The following VPS36 variants were observed in gnomAD, a reference collection of about 807,000 sequenced individuals.
The protein encoded by VPS36 is vacuolar protein-sorting-associated protein 36.
Under a neutral mutation model 63.5 loss-of-function variants are expected in VPS36, and 31 were observed. That is an observed-to-expected ratio of 0.49 (90% CI 0.37 to 0.66). The LOEUF (loss-of-function observed/expected upper bound fraction) is 0.66, where lower values mean the gene tolerates loss of function less well. Ranked by LOEUF, VPS36 falls within the 30% of genes least tolerant of loss-of-function variation. VPS36 has a pLI of 0.00. For synonymous variants in VPS36, 138 were observed against 157.2 expected (o/e 0.88, Z 0.91); for missense variants, 338 against 463.7 (o/e 0.73, Z 2.49).
intron 1 of VPS36, 116 bp downstream of exon 1, chr13:52,450,383 G>A: frequency 7.9e-7 from 1 of 1,270,714 alleles, no homozygotes; most frequent in Non-Finnish European, 9.9e-7. Flanking sequence ...GGCCGCCGAG[G>A]GCCGTGAGCT....
In VPS36 at chr13:52,439,184, T is replaced by C. The variant is rs546497727; in HGVS notation, c.166-16A>G. On this transcript the variant is annotated splice_polypyrimidine_tract_variant and intron_variant, in intron 2 of 13. Transcript: ENST00000378060. ...TGCAACACTCCTAGGAGGAAATCAA[T>C]AGCTTAAATGAAAGACTCTAAACAA... 56 of 1,611,326 alleles carry C rather than the reference T, an allele frequency of 3.5e-5. No individual in the cohort carries two copies. In the South Asian group the frequency reaches 5.8e-4, roughly 17 times the overall value.
At position 52,414,536 on chromosome 13, in the gene VPS36, A is replaced by C. The variant is rs1368928775; in HGVS notation, c.*1294T>G. ...GGGTCTGCAGCTGAGGGTCCCTGGCACTTCCCAGAGGGCACTGCAGCAGCC... is the reference window on the plus strand; with the variant it reads ...GGGTCTGCAGCTGAGGGTCCCTGGCCCTTCCCAGAGGGCACTGCAGCAGCC... On this transcript the variant is annotated 3_prime_UTR_variant, in exon 14 of 14. Coordinates refer to ENST00000378060, the MANE Select transcript of VPS36 (RefSeq NM_016075.4). The C allele has an allele frequency of 6.6e-6, 1 of 152,246 alleles. No individual in the cohort carries two copies. The highest frequency in any genetic ancestry group is 1.5e-5 in the Non-Finnish European group (1 of 68,102). The allele number at this position is 152,246 out of a possible 1,614,324, so 9.4% of individuals were successfully genotyped here.
In VPS36 at chr13:52,414,311, A is replaced by G. The variant is rs558405808; in HGVS notation, c.*1519T>C. ...ACCCCTAAAAGACTTGGGCAGTCAG[A>G]CACTGAGTTACCCTCAAAATAAACC... On this transcript the variant is annotated 3_prime_UTR_variant, in exon 14 of 14. Transcript: ENST00000378060. The G allele has an allele frequency of 3.9e-5, 6 of 152,350 alleles. No individual in the cohort carries two copies. The East Asian group carries it at 1.2e-3, about 29-fold the overall frequency. 9.4% of individuals were successfully genotyped at this position (152,350 alleles called of 1,614,324 possible).
At chr13:52,443,224 T>C (rs1958298837) in intron 1 of VPS36, among the ~76,000 whole-genome samples, 1 of 151,858 alleles carries the variant, frequency 6.6e-6, no homozygotes, top group African/African-American at 2.4e-5. Context: ...TCGAAAAAAA[T>C]CATGAGATAA....
intron 6 of VPS36, among the ~76,000 whole-genome samples, chr13:52,427,978 C>T (rs1566085302): frequency 6.6e-6 from 1 of 152,008 alleles, no homozygotes; most frequent in Non-Finnish European, 1.5e-5. Context: ...TCTCTGGGCA[C>T]AATAATTTTG....
At chr13:52,417,911 G>T in intron 11 of VPS36, 81 bp downstream of exon 11, 1 of 1,214,612 alleles carries the variant, frequency 8.2e-7, no homozygotes, top group Non-Finnish European at 1.2e-6. Context: ...ACTAGGGATG[G>T]CAAACTTGGC....
At chr13:52,449,830 C>T in intron 1 of VPS36, 1 of 731,406 alleles carries the variant, frequency 1.4e-6, no homozygotes, top group Non-Finnish European at 1.7e-6. Context: ...ATTAATATAA[C>T]ACTTTACAAA....
At chr13:52,437,009 T>G (rs1347344294) in intron 3 of VPS36, among the ~76,000 whole-genome samples, 1 of 151,718 alleles carries the variant, frequency 6.6e-6, no homozygotes, top group African/African-American at 2.4e-5. Flanking sequence ...TCTATGCTAT[T>G]AAAAATACCA....
intron 3 of VPS36, 122 bp from the exon 4 acceptor site, chr13:52,436,526 A>G: frequency 1.4e-6 from 1 of 702,622 alleles, no homozygotes; most frequent in East Asian, 2.7e-5. Context: ...CAAACATCCC[A>G]AAAAGCATCC....
chr13:52,439,044 A>G, intron 3 of VPS36, 54 bp downstream of exon 3: 1 of 1,538,092 alleles, frequency 6.5e-7, no homozygotes, highest in Admixed American at 1.7e-5. Flanking sequence ...CTTGGCCAAT[A>G]GCATAACAGG....
At chr13:52,434,953 A>C in intron 4 of VPS36, 71 bp from the exon 5 acceptor site, 1 of 1,349,504 alleles carries the variant, frequency 7.4e-7, no homozygotes, top group Non-Finnish European at 1.0e-6. Context: ...TCATTACTTA[A>C]CATTTCTTTC....
chr13:52,418,436 G>A (rs748462625), intron 10 of VPS36, among the ~76,000 whole-genome samples: 21 of 151,526 alleles, frequency 1.4e-4, no homozygotes, highest in Non-Finnish European at 2.7e-4. Context: ...TTAGCCGGGC[G>A]CGGTGGCGGG....
chr13:52,420,745 C>T (rs941809421), intron 10 of VPS36, among the ~76,000 whole-genome samples: 2 of 152,220 alleles, frequency 1.3e-5, no homozygotes, highest in Admixed American at 6.5e-5. Flanking sequence ...GGTCATTACA[C>T]ATTATATGCT....
At chr13:52,422,055 G>A (rs190252022) in intron 10 of VPS36, among the ~76,000 whole-genome samples, 22 of 151,988 alleles carry the variant, frequency 1.4e-4, no homozygotes, top group Admixed American at 2.6e-4. Flanking sequence ...TTGAACATTC[G>A]AATTTATTCC....
At chr13:52,441,535 G>A (rs539357108) in intron 2 of VPS36, among the ~76,000 whole-genome samples, 1 of 152,140 alleles carries the variant, frequency 6.6e-6, no homozygotes, top group South Asian at 2.1e-4. Context: ...GGCAGATCAC[G>A]AGGTCAGGAG....
chr13:52,442,819 G>C (rs1426595492), intron 1 of VPS36, among the ~76,000 whole-genome samples: 1 of 152,210 alleles, frequency 6.6e-6, no homozygotes, highest in Admixed American at 6.5e-5. Context: ...GTATATGTGT[G>C]TGTCTGCAGA....
At chr13:52,429,278 A>G in intron 6 of VPS36, 1 of 985,378 alleles carries the variant, frequency 1.0e-6, no homozygotes, top group Non-Finnish European at 1.2e-6. Flanking sequence ...AACTCAGTAT[A>G]TTCTTGATTT....
intron 4 of VPS36, among the ~76,000 whole-genome samples, chr13:52,435,469 CA>C (rs1436411006): frequency 1.3e-5 from 2 of 151,536 alleles, no homozygotes; most frequent in Non-Finnish European, 2.9e-5. Context: ...ACAATGAAAT[CA>C]ATAGACTTAC....
intron 3 of VPS36, 27 bp from the exon 4 acceptor site, chr13:52,436,431 T>G: frequency 6.9e-7 from 1 of 1,451,500 alleles, no homozygotes; most frequent in Non-Finnish European, 9.5e-7. Context: ...TGTAATATAT[T>G]GAATTGTCTT....
Sources: gnomAD v4.1 joint callset for allele counts (sites outside exome capture counted in the v4.1 genomes callset) on GRCh38, gnomAD v4.1.1 for gene constraint, MANE v1.5 for transcripts, NCBI Gene and HGNC (gene_info 2026-07-23, HGNC 2026-07-21) for gene names.